FAM83H: variants seen among roughly 807,000 people sequenced by gnomAD.
The protein encoded by FAM83H is scaffolding CK1 anchoring protein H.
FAM83H carries 24 observed loss-of-function variants against 30.2 expected under a neutral mutation model. The ratio of observed to expected loss-of-function variants is 0.79; its 90% CI spans 0.57 to 1.12. The LOEUF is 1.12. Ranked by LOEUF, FAM83H falls within the 50% of genes most tolerant of loss-of-function variation. The probability of loss-of-function intolerance (pLI) is 0.00; values close to 1 mark genes in which losing one functional copy is unlikely to be tolerated. For missense variants in FAM83H, 2,038 were observed against 1,773.9 expected (o/e 1.15, Z -2.67); for synonymous variants, 1,013 against 821.7 (o/e 1.23, Z -3.98).
intron 2 of FAM83H, among the ~76,000 whole-genome samples, chr8:143,729,750 A>G (rs1406100929): frequency 2.0e-5 from 3 of 152,348 alleles, no homozygotes; most frequent in African/African-American, 7.2e-5. Context: ...TCTGGACCTC[A>G]TGCCTCAGTC....
chr8:143,728,149 C>A lies in FAM83H; in HGVS notation c.1312G>T (p.Gly438Cys), dbSNP rs782508351. Residue 438 changes from glycine (G) to cysteine (C), a missense_variant, in exon 5 of 5, where the codon GGC (glycine) becomes TGC (cysteine). Gly to Cys is a radical substitution (Grantham distance 159). Coordinates refer to ENST00000388913, the MANE Select transcript of FAM83H (RefSeq NM_198488.5). Reference protein sequence around the residue: ...QVSRQTFLSHGDDFRFQTSHF... With the variant: ...QVSRQTFLSHCDDFRFQTSHF... ...CTGGTCTGGAAGCGGAAGTCGTCGCCGTGGCTGAGGAACGTCTGCCGCGAC... is the reference window on the plus strand; with the variant it reads ...CTGGTCTGGAAGCGGAAGTCGTCGCAGTGGCTGAGGAACGTCTGCCGCGAC... 1 of 1,609,134 alleles carries A rather than the reference C, an allele frequency of 6.2e-7. No individual in the cohort carries two copies. Among genetic ancestry groups the A allele is most frequent in the Non-Finnish European group, 8.5e-7 (1 of 1,179,190 alleles).
rs1818286970 is a variant in FAM83H, at chr8:143,726,273, C to A, written c.3188G>T (p.Gly1063Val). The change falls in exon 5 of 5, where the codon GGC (glycine) becomes GTC (valine). Residue 1063 changes from glycine (G) to valine (V), a missense_variant. Transcript: ENST00000388913. ...TAGCTCGGGGCTGTTGTGGGTCGGGCCGGGGCTCGGGGCAGGGACCGCACG... is the reference window on the plus strand; with the variant it reads ...TAGCTCGGGGCTGTTGTGGGTCGGGACGGGGCTCGGGGCAGGGACCGCACG... ...KHRAVPAPSPGPTHNSPELGR... is the reference protein window; with the variant it reads ...KHRAVPAPSPVPTHNSPELGR... The A allele has an allele frequency of 1.2e-6, 2 of 1,612,012 alleles. No homozygotes were observed. Among genetic ancestry groups the A allele is most frequent in the African/African-American group, 2.7e-5 (2 of 74,908 alleles).
chr8:143,731,124 C>A (rs116027339), intron 1 of FAM83H, among the ~76,000 whole-genome samples: 7,432 of 150,626 alleles, frequency 0.049, 697 homozygotes, highest in African/African-American at 0.17. Context: ...ACGAACCCCC[C>A]CCCCCAAATA....
chr8:143,729,513 G>A (rs1252886881), intron 2 of FAM83H, among the ~76,000 whole-genome samples, 190 bp from the exon 3 acceptor site: 8 of 152,184 alleles, frequency 5.3e-5, no homozygotes, highest in African/African-American at 1.7e-4. Flanking sequence ...AAGAGGTGTG[G>A]AACGGCTGGC....
chr8:143,725,854 C>T lies in FAM83H; in HGVS notation c.*67G>A, dbSNP rs1020954774. The stretch of plus-strand genomic sequence containing the variant: ...AGCAGATGAGCAGGGCTCTCTGTTC[C>T]GCGGGGCTTCTGGATGACCGGGGCA... On this transcript the variant is annotated 3_prime_UTR_variant, in exon 5 of 5. Transcript: ENST00000388913. 7.6e-6 allele frequency: 12 copies of T among 1,582,004 alleles called. No individual in the cohort carries two copies. The highest frequency in any genetic ancestry group is 7.3e-5 in the Admixed American group (4 of 55,064).
rs200211843 is a variant in FAM83H at position 143,729,022 on chromosome 8, C to G, written c.682G>C (p.Val228Leu). The G allele has an allele frequency of 5.0e-6, 8 of 1,613,662 alleles. No homozygotes were observed. The highest frequency in any genetic ancestry group is 2.7e-5 in the African/African-American group (2 of 74,998). Residue 228 changes from valine (V) to leucine (L), a missense_variant, in exon 4 of 5, where the codon GTC becomes CTC. Coordinates refer to ENST00000388913, the MANE Select transcript of FAM83H (RefSeq NM_198488.5). Reference protein sequence around the residue: ...CRTGKSFKGHVKEKFLLVDCA... With the variant: ...CRTGKSFKGHLKEKFLLVDCA... ...TCCACCAGCAGGAACTTCTCCTTGA[C>G]GTGGCCCTTGAAGGACTTCCCAGTG...
intron 1 of FAM83H, chr8:143,732,490 C>T: frequency 2.0e-6 from 2 of 985,336 alleles, no homozygotes; most frequent in Non-Finnish European, 2.4e-6. Flanking sequence ...GAGGGTACTT[C>T]CCGACACTGG....
chr8:143,732,143 G>A (rs536695798), intron 1 of FAM83H: 1 of 985,424 alleles, frequency 1.0e-6, no homozygotes, highest in Admixed American at 6.1e-5. Context: ...AGAATGTTGG[G>A]GTCAGGAGGC....
intron 4 of FAM83H, 60 bp from the exon 5 acceptor site, chr8:143,728,783 G>A: frequency 1.3e-6 from 2 of 1,598,332 alleles, no homozygotes; most frequent in Non-Finnish European, 1.7e-6. Context: ...GCAGCCCCGT[G>A]GGCAGCGGGT....
In FAM83H at chr8:143,730,269, G is replaced by A. The variant is rs1301562810; in HGVS notation, c.314C>T (p.Pro105Leu). The change falls in exon 2 of 5, where the codon CCT (proline) becomes CTT (leucine). Residue 105 changes from proline (P) to leucine (L), a missense_variant. Physicochemically the swap from Pro to Leu is moderately conservative, Grantham distance 98 (BLOSUM62 -3). Transcript: ENST00000388913. ...YWPVNSDQAV[P>L]ELDLGWPLTF... ...CAGAGGCCAGCCCAAATCAAGCTCAGGCACGGCCTGGTCTGAGTTCACTGG... is the reference window on the plus strand; with the variant it reads ...CAGAGGCCAGCCCAAATCAAGCTCAAGCACGGCCTGGTCTGAGTTCACTGG... The A allele has an allele frequency of 3.1e-6, 5 of 1,613,416 alleles. No individual in the cohort carries two copies. Among genetic ancestry groups the A allele is most frequent in the South Asian group, 2.2e-5 (2 of 91,086 alleles).
At chr8:143,731,082 G>A (rs951509854) in intron 1 of FAM83H, among the ~76,000 whole-genome samples, 2 of 149,734 alleles carry the variant, frequency 1.3e-5, no homozygotes, top group Non-Finnish European at 1.5e-5. Context: ...GTGACAGAGT[G>A]AGACCACATC....
chr8:143,726,160 T>C lies in FAM83H; in HGVS notation c.3301A>G (p.Thr1101Ala), dbSNP rs782218389. The C allele has an allele frequency of 5.6e-5, 91 of 1,611,792 alleles. No homozygotes were observed. The highest frequency in any genetic ancestry group is 7.2e-5 in the Non-Finnish European group (85 of 1,179,576). The change falls in exon 5 of 5, where the codon ACC becomes GCC. Residue 1101 changes from threonine (T) to alanine (A), a missense_variant. Coordinates refer to ENST00000388913, the MANE Select transcript of FAM83H (RefSeq NM_198488.5). ...SAIFRSDSLG[T>A]QGRLSRTLPA... The stretch of plus-strand genomic sequence containing the variant: ...AGCGTGCGGCTCAGCCGGCCCTGGG[T>C]CCCCAAGCTGTCCGAGCGGAAGATG...
chr8:143,726,091 C>T lies in FAM83H; in HGVS notation c.3370G>A (p.Glu1124Lys). The change falls in exon 5 of 5, where the codon GAG becomes AAG. Residue 1124 changes from glutamate (E) to lysine (K), a missense_variant. Coordinates refer to ENST00000388913, the MANE Select transcript of FAM83H (RefSeq NM_198488.5). ...EERDRLLRRMESMRKEKRVYS... is the reference protein window; with the variant it reads ...EERDRLLRRMKSMRKEKRVYS... ...ACGCGCTTCTCCTTGCGCATGCTCT[C>T]CATGCGGCGCAGCAGCCGATCGCGC... 6.2e-7 allele frequency: 1 copy of T among 1,611,482 alleles called. No homozygotes were observed. The highest frequency in any genetic ancestry group is 2.2e-5 in the East Asian group (1 of 44,838).
chr8:143,726,460 G>C lies in FAM83H; in HGVS notation c.3001C>G (p.Arg1001Gly), dbSNP rs781897628. The C allele has an allele frequency of 6.2e-7, 1 of 1,602,776 alleles. No homozygotes were observed. Among genetic ancestry groups the C allele is most frequent in the East Asian group, 2.2e-5 (1 of 44,706 alleles). The change falls in exon 5 of 5, where the codon CGT (arginine) becomes GGT (glycine). Residue 1001 changes from arginine to glycine, a missense_variant. Coordinates refer to ENST00000388913, the MANE Select transcript of FAM83H (RefSeq NM_198488.5). ...QENGQPESPR[R>G]LSLGQGDSTE... ...CTGTCACCCTGGCCCAGTGACAGAC[G>C]CCGCGGGCTCTCGGGTTGGCCGTTC...
At position 143,726,198 on chromosome 8, in the gene FAM83H, T is replaced by C. The variant is rs1554621624; in HGVS notation, c.3263A>G (p.Asp1088Gly). 1.2e-6 allele frequency: 2 copies of C among 1,612,234 alleles called. No individual in the cohort carries two copies. Among genetic ancestry groups the C allele is most frequent in the Non-Finnish European group, 1.7e-6 (2 of 1,179,756 alleles). Reference protein sequence around the residue: ...GVLAPDMSDKDKCSAIFRSDS... With the variant: ...GVLAPDMSDKGKCSAIFRSDS... ...CGAGCGGAAGATGGCTGAACACTTG[T>C]CCTTGTCGGACATATCTGGGGCCAG... Residue 1088 changes from aspartate to glycine, a missense_variant, in exon 5 of 5, where the codon GAC becomes GGC. By Grantham distance (94) the Asp-to-Gly change is moderately conservative (BLOSUM62 -1). Transcript: ENST00000388913.
At chr8:143,732,564 G>A (rs1818565060) in intron 1 of FAM83H, 1 of 985,280 alleles carries the variant, frequency 1.0e-6, no homozygotes, top group African/African-American at 1.7e-5. Context: ...TCCAGGCTGT[G>A]TGTAATGGGG....
Position 143,727,203 on chromosome 8 carries a change from C to T in FAM83H, c.2258G>A (p.Gly753Asp). ...GCTGTGGCTGGCAACGGTGATGGCG[C>T]CCGCGCCGCCGCCGGGATCACGGGC... ...GPARDPGGGA[G>D]AITVASHSKA... is the part of the protein sequence containing the mutation. Residue 753 changes from glycine to aspartate, a missense_variant, in exon 5 of 5, where the codon GGC becomes GAC. Gly to Asp is a moderately conservative substitution (Grantham distance 94). Transcript: ENST00000388913. 4 of 1,533,382 alleles carry T rather than the reference C, an allele frequency of 2.6e-6. No individual in the cohort carries two copies. The highest frequency in any genetic ancestry group is 3.5e-6 in the Non-Finnish European group (4 of 1,145,398). The allele number at this position is 1,533,382 out of a possible 1,614,324, so 95.0% of individuals were successfully genotyped here. A position where few individuals can be genotyped will look rare whatever the true frequency, so the allele number is the denominator to read the frequency against.
At position 143,725,848 on chromosome 8, in the gene FAM83H, CTG is replaced by C. The variant is rs1240575336; in HGVS notation, c.*71_*72del. Reference sequence around the variant, plus strand: ...TGCTCAAGCAGATGAGCAGGGCTCTCTGTTCCGCGGGGCTTCTGGATGACCGG... The same window carrying C: ...TGCTCAAGCAGATGAGCAGGGCTCTCTTCCGCGGGGCTTCTGGATGACCGG... On this transcript the variant is annotated 3_prime_UTR_variant, in exon 5 of 5. Transcript: ENST00000388913. The C allele has an allele frequency of 1.3e-6, 2 of 1,576,700 alleles. No individual in the cohort carries two copies. The highest frequency in any genetic ancestry group is 8.6e-7 in the Non-Finnish European group (1 of 1,160,256).
chr8:143,726,295 C>T lies in FAM83H; in HGVS notation c.3166G>A (p.Ala1056Thr), dbSNP rs1818288502. Residue 1056 changes from alanine (A) to threonine (T), a missense_variant, in exon 5 of 5, where the codon GCG becomes ACG. Coordinates refer to ENST00000388913, the MANE Select transcript of FAM83H (RefSeq NM_198488.5). ...GGGCCGGGGCTCGGGGCAGGGACCGCACGGTGCTTCTGGCCGTGGGCACTG... is the reference window on the plus strand; with the variant it reads ...GGGCCGGGGCTCGGGGCAGGGACCGTACGGTGCTTCTGGCCGTGGGCACTG... ...QISAHGQKHR[A>T]VPAPSPGPTH... The T allele has an allele frequency of 1.2e-6, 2 of 1,612,038 alleles. No homozygotes were observed. The highest frequency in any genetic ancestry group is 1.7e-6 in the Non-Finnish European group (2 of 1,179,732).
Sources: allele counts gnomAD v4.1 joint callset (sites outside exome capture counted in the v4.1 genomes callset), GRCh38; gene constraint gnomAD v4.1.1; transcripts MANE v1.5; gene names NCBI Gene and HGNC (gene_info 2026-07-23, HGNC 2026-07-21).